DLG2: variants seen among roughly 807,000 people sequenced by gnomAD.
DLG2 encodes the protein discs large MAGUK scaffold protein 2.
A neutral mutation model predicts 132.5 loss-of-function variants in DLG2; 45 were observed. That is an observed-to-expected ratio of 0.34 (90% CI 0.27 to 0.44). DLG2 has a LOEUF of 0.44. DLG2 is among the 20% of genes least tolerant of loss of function. The pLI, the probability that DLG2 is intolerant of heterozygous loss-of-function variation, is 1.00. For missense variants in DLG2, 1,045 were observed against 1,196.9 expected, an observed-to-expected ratio of 0.87 and a Z score of 1.87; for synonymous variants, 424 against 419.6, an observed-to-expected ratio of 1.01 and a Z score of -0.13.
intron 19 of DLG2, among the ~76,000 whole-genome samples, chr11:83,564,346 G>C (rs553746461): frequency 1.3e-5 from 2 of 152,092 alleles, no homozygotes; most frequent in African/African-American, 2.4e-5. Flanking sequence ...GGAATGGGGG[G>C]GGTCAGGAGC....
At chr11:83,853,650 G>C (rs2060104383) in intron 16 of DLG2, among the ~76,000 whole-genome samples, 2 of 152,114 alleles carry the variant, frequency 1.3e-5, no homozygotes, top group South Asian at 2.1e-4. Context: ...TTGTGAGTTA[G>C]TGTCTGATAT....
chr11:85,045,535 T>C (rs1465673801), intron 6 of DLG2, among the ~76,000 whole-genome samples: 2 of 151,868 alleles, frequency 1.3e-5, no homozygotes, highest in East Asian at 1.9e-4. Context: ...AAGAGAGAGG[T>C]TGTAGGAGGG....
intron 7 of DLG2, among the ~76,000 whole-genome samples, chr11:84,389,127 A>G (rs1390398882): frequency 6.6e-6 from 1 of 152,166 alleles, no homozygotes; most frequent in Non-Finnish European, 1.5e-5. Context: ...AGGAGGATTA[A>G]TTTGAAAAGA....
intron 6 of DLG2, among the ~76,000 whole-genome samples, chr11:84,687,660 A>C (rs546445734): frequency 6.6e-6 from 1 of 152,278 alleles, no homozygotes; most frequent in Admixed American, 6.5e-5. Flanking sequence ...GTCACCCTGC[A>C]CTTCTGAAAT....
At chr11:84,751,151 G>A (rs533279745) in intron 6 of DLG2, among the ~76,000 whole-genome samples, 2 of 152,178 alleles carry the variant, frequency 1.3e-5, no homozygotes, top group Non-Finnish European at 2.9e-5. Context: ...ATTGCATCCT[G>A]GAGGGAAGAA....
chr11:83,578,090 A>T (rs1479555089), intron 19 of DLG2, among the ~76,000 whole-genome samples: 1 of 145,268 alleles, frequency 6.9e-6, no homozygotes, highest in South Asian at 2.1e-4. Flanking sequence ...ACACACACAC[A>T]CTGTATCATA....
At chr11:84,368,528 A>G (rs1200245646) in intron 7 of DLG2, among the ~76,000 whole-genome samples, 1 of 152,126 alleles carries the variant, frequency 6.6e-6, no homozygotes, top group East Asian at 1.9e-4. Context: ...TCATTCAGAG[A>G]AAAGGGTACA....
intron 6 of DLG2, among the ~76,000 whole-genome samples, chr11:84,762,688 G>C (rs1301069836): frequency 6.6e-6 from 1 of 152,068 alleles, no homozygotes; most frequent in Non-Finnish European, 1.5e-5. Context: ...CATTCATTTA[G>C]TCATTCATGT....
intron 6 of DLG2, among the ~76,000 whole-genome samples, chr11:85,063,936 G>A (rs2064481761): frequency 1.3e-5 from 2 of 151,778 alleles, no homozygotes; most frequent in Non-Finnish European, 2.9e-5. Flanking sequence ...CTAAATACTT[G>A]TTGACTCAGT....
At chr11:83,812,579 C>T (rs2047606010) in intron 17 of DLG2, among the ~76,000 whole-genome samples, 2 of 152,146 alleles carry the variant, frequency 1.3e-5, no homozygotes, top group South Asian at 4.1e-4. Context: ...TACTGGGAAT[C>T]CTATAATCCC....
intron 6 of DLG2, among the ~76,000 whole-genome samples, chr11:84,863,783 T>A (rs914606641): frequency 1.3e-5 from 2 of 151,696 alleles, no homozygotes; most frequent in African/African-American, 4.9e-5. Context: ...GAAGTTCAAA[T>A]AAAAGAGCAT....
At chr11:84,328,277 G>T (rs1367890609) in intron 7 of DLG2, among the ~76,000 whole-genome samples, 1 of 151,412 alleles carries the variant, frequency 6.6e-6, no homozygotes, top group Non-Finnish European at 1.5e-5. Context: ...AAGGAAGGAA[G>T]TTGGAAGGAA....
chr11:84,727,391 G>T (rs2062611147), intron 6 of DLG2, among the ~76,000 whole-genome samples: 3 of 152,108 alleles, frequency 2.0e-5, no homozygotes, highest in Non-Finnish European at 4.4e-5. Context: ...GTTTGTCAAA[G>T]ATCTGATGGT....
intron 3 of DLG2, among the ~76,000 whole-genome samples, chr11:85,343,648 G>A (rs541726185): frequency 2.4e-4 from 36 of 151,806 alleles, no homozygotes; most frequent in African/African-American, 5.8e-4. Flanking sequence ...ACACACACGC[G>A]CGTACACGCA....
At chr11:84,906,028 C>A (rs917594800) in intron 6 of DLG2, among the ~76,000 whole-genome samples, 18 of 152,068 alleles carry the variant, frequency 1.2e-4, no homozygotes, top group Non-Finnish European at 2.6e-4. Flanking sequence ...AACTAAGATT[C>A]CTAGTTCAGC....
At chr11:85,596,560 G>A (rs549814255) in intron 3 of DLG2, among the ~76,000 whole-genome samples, 122 of 152,078 alleles carry the variant, frequency 8.0e-4, no homozygotes, top group Middle Eastern at 3.4e-3. Context: ...AATGAGAGTC[G>A]TGCGAGGTAC....
chr11:85,471,740 C>T (rs912855398), intron 3 of DLG2, among the ~76,000 whole-genome samples: 1 of 151,934 alleles, frequency 6.6e-6, no homozygotes. Context: ...TAAGAGCAGT[C>T]CCAGAAAGCA....
At chr11:84,415,493 T>TA (rs1362634702) in intron 7 of DLG2, among the ~76,000 whole-genome samples, 1 of 152,318 alleles carries the variant, frequency 6.6e-6, no homozygotes, top group Admixed American at 6.5e-5. Context: ...TATGCCTCAG[T>TA]AAAGCATTTT....
intron 10 of DLG2, among the ~76,000 whole-genome samples, chr11:84,086,542 T>G (rs1422936546): frequency 6.7e-6 from 1 of 149,232 alleles, no homozygotes; most frequent in Non-Finnish European, 1.5e-5. Flanking sequence ...CTGACTGGAG[T>G]GTAGTAGTGC....
Sources: gnomAD v4.1 joint callset for allele counts (sites outside exome capture counted in the v4.1 genomes callset) on GRCh38, gnomAD v4.1.1 for gene constraint, MANE v1.5 for transcripts, NCBI Gene and HGNC (gene_info 2026-07-23, HGNC 2026-07-21) for gene names.